The following CHD9 variants were observed in gnomAD, a reference collection of about 807,000 sequenced individuals.
CHD9 encodes the protein ATP-dependent chromatin remodeler CHD9.
Under a neutral mutation model 316.1 loss-of-function variants are expected in CHD9, and 77 were observed. That is an observed-to-expected ratio of 0.24 (90% CI 0.20 to 0.29). The LOEUF (loss-of-function observed/expected upper bound fraction) is 0.29, where lower values mean the gene tolerates loss of function less well. Ranked by LOEUF, CHD9 falls within the 10% of genes least tolerant of loss-of-function variation. The pLI, the probability that CHD9 is intolerant of heterozygous loss-of-function variation, is 1.00. For missense variants in CHD9, 2,763 were observed against 3,438.1 expected, an observed-to-expected ratio of 0.80 and a Z score of 4.91; for synonymous variants, 1,129 against 1,158.3, an observed-to-expected ratio of 0.97 and a Z score of 0.51.
chr16:53,182,244 G>T (rs1212077089), intron 2 of CHD9, among the ~76,000 whole-genome samples: 1 of 152,038 alleles, frequency 6.6e-6, no homozygotes, highest in East Asian at 1.9e-4. Flanking sequence ...ACCCAGGCTG[G>T]AATGCAGTGG....
intron 24 of CHD9, among the ~76,000 whole-genome samples, chr16:53,279,771 G>A (rs2053226430): frequency 1.3e-5 from 2 of 151,932 alleles, no homozygotes; most frequent in Non-Finnish European, 2.9e-5. Flanking sequence ...TTCATAATCT[G>A]TACATCTGAC....
intron 1 of CHD9, among the ~76,000 whole-genome samples, chr16:53,058,180 G>T (rs1001208686): frequency 1.3e-5 from 2 of 152,120 alleles, no homozygotes; most frequent in Admixed American, 1.3e-4. Flanking sequence ...GAGTGCAGTG[G>T]CACGATGTCA....
At chr16:53,320,816 A>G (rs902693720) in intron 37 of CHD9, among the ~76,000 whole-genome samples, 1 of 152,160 alleles carries the variant, frequency 6.6e-6, no homozygotes, top group Non-Finnish European at 1.5e-5. Flanking sequence ...TGAAAGATAT[A>G]TACAATTTTA....
At chr16:53,108,569 T>C (rs2037562241) in intron 1 of CHD9, among the ~76,000 whole-genome samples, 1 of 151,640 alleles carries the variant, frequency 6.6e-6, no homozygotes, top group Non-Finnish European at 1.5e-5. Flanking sequence ...GATGCAGATA[T>C]CAATTATTAA....
chr16:53,130,938 G>C (rs999955304), intron 1 of CHD9: 1 of 152,254 alleles, frequency 6.6e-6, no homozygotes, highest in Non-Finnish European at 1.5e-5. Context: ...GGGTCGCGCT[G>C]GGGGAGTGAA....
chr16:53,208,098 T>A, intron 2 of CHD9: 1 of 1,022,860 alleles, frequency 9.8e-7, no homozygotes, highest in Non-Finnish European at 1.2e-6. Flanking sequence ...TTAGGAGTGT[T>A]TACAGCCTTT....
At chr16:53,105,350 G>A (rs146910668) in intron 1 of CHD9, among the ~76,000 whole-genome samples, 250 of 152,060 alleles carry the variant, frequency 1.6e-3, no homozygotes, top group South Asian at 5.0e-3. Flanking sequence ...AAGCAAATAC[G>A]GTTTTATGTG....
chr16:53,199,038 A>T (rs1268420388), intron 2 of CHD9, among the ~76,000 whole-genome samples: 1 of 151,734 alleles, frequency 6.6e-6, no homozygotes, highest in East Asian at 1.9e-4. Context: ...TTTCATTGAG[A>T]AGCATTACTC....
Position 53,287,958 on chromosome 16 carries a change from G to T in CHD9, c.5191G>T (p.Asp1731Tyr). 1 of 1,605,748 alleles carries T rather than the reference G, an allele frequency of 6.2e-7. No homozygotes were observed. Among genetic ancestry groups the T allele is most frequent in the Non-Finnish European group, 8.5e-7 (1 of 1,172,440 alleles). Residue 1731 changes from aspartate to tyrosine, a missense_variant and splice_region_variant, in exon 27 of 39, where the codon GAT becomes TAT. Physicochemically the swap from Asp to Tyr is radical, Grantham distance 160. Around this residue, in one of 15 missense-constraint regions of CHD9, gnomAD observed 183 missense variants for 258.5 expected, o/e 0.71. Coordinates refer to ENST00000447540, the MANE Select transcript of CHD9 (RefSeq NM_001308319.2). ...EQRANDYMDG[D>Y]VEDPEYKPAP... ...TAGCATTTGTTTGTATTTTAACAGG[G>T]ATGTGGAAGATCCAGAATACAAACC...
chr16:53,221,649 A>G (rs565886400), intron 3 of CHD9, among the ~76,000 whole-genome samples: 3 of 152,314 alleles, frequency 2.0e-5, no homozygotes, highest in Admixed American at 2.0e-4. Flanking sequence ...ATATGTAAAT[A>G]TCAATATATA....
intron 2 of CHD9, among the ~76,000 whole-genome samples, chr16:53,181,614 G>A (rs1406106945): frequency 7.9e-5 from 12 of 152,014 alleles, no homozygotes; most frequent in Admixed American, 7.9e-4. Context: ...ACTTTTGAGA[G>A]CTTCATATAG....
At position 53,120,655 on chromosome 16, in the gene CHD9, A is replaced by G. The variant is rs950001159; in HGVS notation, c.-164-35271A>G. 3.3e-5 allele frequency among the ~76,000 whole-genome samples: 5 copies of G among 151,910 alleles called. No individual in the cohort carries two copies. The South Asian group carries it at 8.3e-4, about 25-fold the overall frequency. On this transcript the variant is annotated intron_variant, in intron 1 of 38. Transcript: ENST00000447540. ...AACAACTAGTTGATTGGAAAAATAC[A>G]TGTTTACAGTTTCCATCACTCCTTA...
rs553697280 is a variant in CHD9 at position 53,324,944 on chromosome 16, T to C, written c.*49T>C. The stretch of plus-strand genomic sequence containing the variant: ...ATGAACTGATTTTGGATTTTTTCTT[T>C]AATAATTAATTGTAAATACCCCAGT... On this transcript the variant is annotated 3_prime_UTR_variant, in exon 39 of 39. Transcript: ENST00000447540. The C allele has an allele frequency of 4.2e-6, 6 of 1,444,714 alleles. No individual in the cohort carries two copies. The highest frequency in any genetic ancestry group is 5.5e-6 in the Non-Finnish European group (6 of 1,083,422). 89.5% of individuals were successfully genotyped at this position (1,444,714 alleles called of 1,614,324 possible).
chr16:53,304,582 A>G lies in CHD9; in HGVS notation c.6576A>G (p.Ser2192=), dbSNP rs752835287. 13 of 1,548,716 alleles carry G rather than the reference A, an allele frequency of 8.4e-6. No homozygotes were observed. In the South Asian group the frequency reaches 1.2e-4, roughly 14 times the overall value. Residue 2192 remains serine (S), a synonymous_variant, in exon 31 of 39, where the codon TCA becomes TCG. Transcript: ENST00000447540. ...TSSSSSSSSS[S]SEESDSDEEE... is the part of the protein sequence containing the mutation. ...CCTCCTCCTCCTCCTCTTCATCTTC[A>G]TCAGAAGAAAGTGACAGTGATGAAG...
At position 53,229,024 on chromosome 16, in the gene CHD9, T is replaced by C; in HGVS notation, c.2210T>C (p.Leu737Ser). ...GAGTGGGCCACAGAAGAGCAGCTTT[T>C]GAAAGATAAAAGGATCCAGCAGAAA... is the stretch of plus-strand genomic sequence containing the variant. Reference protein sequence around the residue: ...HCEWATEEQLLKDKRIQQKIK... With the variant: ...HCEWATEEQLSKDKRIQQKIK... The change falls in exon 8 of 39, where the codon TTG becomes TCG. Residue 737 changes from leucine (L) to serine (S), a missense_variant. Physicochemically the swap from Leu to Ser is moderately radical, Grantham distance 145. Around this residue, in one of 15 missense-constraint regions of CHD9, gnomAD observed 859 missense variants for 890.4 expected, o/e 0.96. Coordinates refer to ENST00000447540, the MANE Select transcript of CHD9 (RefSeq NM_001308319.2). The C allele has an allele frequency of 6.3e-7, 1 of 1,596,922 alleles. No homozygotes were observed. Among genetic ancestry groups the C allele is most frequent in the South Asian group, 1.2e-5 (1 of 86,876 alleles).
In CHD9 at chr16:53,308,774, A is replaced by G. The variant is rs2056212556; in HGVS notation, c.7142A>G (p.Gln2381Arg). Residue 2381 changes from glutamine (Q) to arginine (R), a missense_variant, in exon 34 of 39, where the codon CAG (glutamine) becomes CGG (arginine). Transcript: ENST00000447540. Reference protein sequence around the residue: ...DGEDGALGQQQYLTRLRELQS... With the variant: ...DGEDGALGQQRYLTRLRELQS... ...GAAGACGGTGCTCTGGGGCAGCAGC[A>G]GTACCTCACTCGGCTTCGAGAGCTT... The G allele has an allele frequency of 6.2e-7, 1 of 1,613,592 alleles. No homozygotes were observed. The highest frequency in any genetic ancestry group is 1.3e-5 in the African/African-American group (1 of 74,940).
At chr16:53,227,164 C>A in intron 5 of CHD9, 2 of 330,100 alleles carry the variant, frequency 6.1e-6, no homozygotes, top group Non-Finnish European at 1.1e-5. Flanking sequence ...GAATAATGAC[C>A]AGCACATTAA....
intron 1 of CHD9, among the ~76,000 whole-genome samples, chr16:53,137,457 G>A (rs1461125002): frequency 6.6e-6 from 1 of 152,114 alleles, no homozygotes; most frequent in African/African-American, 2.4e-5. Context: ...TGGAAAAACT[G>A]GTCATAGAAA....
At chr16:53,075,942 TC>T (rs2034486899) in intron 1 of CHD9, among the ~76,000 whole-genome samples, 1 of 152,222 alleles carries the variant, frequency 6.6e-6, no homozygotes, top group Non-Finnish European at 1.5e-5. Context: ...TCTGTTTTTT[TC>T]AGAGTAGCCA....
Sources: gnomAD v4.1 joint callset for allele counts (sites outside exome capture counted in the v4.1 genomes callset) on GRCh38, gnomAD v4.1.1 for gene constraint, gnomAD v4.1.1 regional missense constraint, MANE v1.5 for transcripts, NCBI Gene and HGNC (gene_info 2026-07-23, HGNC 2026-07-21) for gene names.